The following ADAM32 variants were observed in gnomAD, a reference collection of about 807,000 sequenced individuals.
The protein encoded by ADAM32 is disintegrin and metalloproteinase domain-containing protein 32.
ADAM32 carries 89 observed loss-of-function variants against 114.9 expected under a neutral mutation model. The ratio of observed to expected loss-of-function variants is 0.77; its 90% confidence interval spans 0.65 to 0.92. The LOEUF (loss-of-function observed/expected upper bound fraction) is 0.92, where lower values mean the gene tolerates loss of function less well. Ranked by LOEUF, ADAM32 falls within the 40% of genes least tolerant of loss-of-function variation. ADAM32 has a pLI of 0.00. For synonymous variants in ADAM32, 285 were observed against 307.5 expected, an observed-to-expected ratio of 0.93 and a Z score of 0.77; for missense variants, 870 against 932.8, an observed-to-expected ratio of 0.93 and a Z score of 0.88.
intron 2 of ADAM32, among the ~76,000 whole-genome samples, chr8:39,120,189 C>T (rs892250531): frequency 2.0e-5 from 3 of 152,064 alleles, no homozygotes; most frequent in South Asian, 2.1e-4. Flanking sequence ...CAGAGTAATC[C>T]GATTTTGGTA....
chr8:39,212,253 A>G (rs561767038), intron 12 of ADAM32, among the ~76,000 whole-genome samples: 1 of 152,184 alleles, frequency 6.6e-6, no homozygotes, highest in African/African-American at 2.4e-5. Context: ...ACCTCAAGTA[A>G]TCCACCTGCC....
chr8:39,155,880 A>G (rs553792201), intron 6 of ADAM32, among the ~76,000 whole-genome samples: 1 of 152,210 alleles, frequency 6.6e-6, no homozygotes, highest in East Asian at 1.9e-4. Flanking sequence ...GGATATTACA[A>G]TAACATCTTA....
Position 39,144,953 on chromosome 8 carries a change from T to TA in ADAM32, c.201-2176dup, listed in dbSNP as rs769235277. 3.3e-5 allele frequency among the ~76,000 whole-genome samples: 5 copies of TA among 152,206 alleles called. No homozygotes were observed. In the East Asian group the frequency reaches 7.7e-4, roughly 23 times the overall value. On this transcript the variant is annotated intron_variant, in intron 3 of 24. Coordinates refer to ENST00000379907, the MANE Select transcript of ADAM32 (RefSeq NM_145004.7). ...CTCCACCAAAATTTGTTAGAACCAA[T>TA]AGACAAGTTCAGTGAAGTTGTGGGA...
In ADAM32 at chr8:39,169,998, G is replaced by T; in HGVS notation, c.915+1G>T. 1 of 1,566,552 alleles carries T rather than the reference G, an allele frequency of 6.4e-7. No homozygotes were observed. Among genetic ancestry groups the T allele is most frequent in the South Asian group, 1.2e-5 (1 of 84,722 alleles). On this transcript the variant is annotated splice_donor_variant, in intron 10 of 24. Coordinates refer to ENST00000379907, the MANE Select transcript of ADAM32 (RefSeq NM_145004.7). LOFTEE classifies it high-confidence loss of function. Reference sequence around the variant, plus strand: ...TCGTTATTCTGCAGGAGTTGCATTGGTATGTAACTATTTAATCTTATTTTT... The same window carrying T: ...TCGTTATTCTGCAGGAGTTGCATTGTTATGTAACTATTTAATCTTATTTTT...
intron 11 of ADAM32, among the ~76,000 whole-genome samples, chr8:39,200,083 T>G (rs918671906): frequency 2.0e-5 from 3 of 152,160 alleles, no homozygotes; most frequent in Non-Finnish European, 4.4e-5. Context: ...AATAAACATA[T>G]GTGTGCATGT....
At chr8:39,110,490 G>A (rs1339029699) in intron 1 of ADAM32, among the ~76,000 whole-genome samples, 1 of 152,142 alleles carries the variant, frequency 6.6e-6, no homozygotes, top group African/African-American at 2.4e-5. Context: ...TATGAATAAA[G>A]CTGCTATAAA....
intron 3 of ADAM32, among the ~76,000 whole-genome samples, chr8:39,145,682 G>A (rs1803462703): frequency 6.6e-6 from 1 of 152,044 alleles, no homozygotes; most frequent in African/African-American, 2.4e-5. Flanking sequence ...AAGTACTTGA[G>A]AGTATTTTAT....
At chr8:39,134,070 C>T (rs972587287) in intron 2 of ADAM32, among the ~76,000 whole-genome samples, 6 of 152,112 alleles carry the variant, frequency 3.9e-5, no homozygotes, top group Non-Finnish European at 5.9e-5. Flanking sequence ...GGCTAGAGTG[C>T]TGGGGACCCA....
intron 19 of ADAM32, among the ~76,000 whole-genome samples, chr8:39,266,930 T>G (rs1306978547): frequency 6.6e-6 from 1 of 152,196 alleles, no homozygotes; most frequent in Non-Finnish European, 1.5e-5. Context: ...AGGCTCAAAT[T>G]AGCATTCCTG....
chr8:39,132,195 A>G (rs985100404), intron 2 of ADAM32, among the ~76,000 whole-genome samples: 2 of 152,190 alleles, frequency 1.3e-5, no homozygotes, highest in Admixed American at 1.3e-4. Flanking sequence ...GCCTGGCCCA[A>G]TCGGAGGTTA....
chr8:39,175,257 G>A (rs1353776143), intron 10 of ADAM32, among the ~76,000 whole-genome samples: 1 of 152,140 alleles, frequency 6.6e-6, no homozygotes, highest in Admixed American at 6.5e-5. Context: ...TGCTTGTCTT[G>A]TGCCAGTTTA....
chr8:39,258,442 G>A (rs1251076697), intron 19 of ADAM32, among the ~76,000 whole-genome samples: 4 of 151,602 alleles, frequency 2.6e-5, no homozygotes, highest in Non-Finnish European at 5.9e-5. Flanking sequence ...AATGATAGTC[G>A]ACATTCAGTT....
chr8:39,111,908 T>C (rs34070223), intron 1 of ADAM32, among the ~76,000 whole-genome samples: 38,654 of 152,004 alleles, frequency 0.25, 5,087 homozygotes, highest in South Asian at 0.31. Context: ...TGTATCAGTC[T>C]TTTCCTAAGG....
At chr8:39,256,220 C>G (rs1311918612) in intron 18 of ADAM32, among the ~76,000 whole-genome samples, 1 of 151,840 alleles carries the variant, frequency 6.6e-6, no homozygotes, top group Non-Finnish European at 1.5e-5. Flanking sequence ...ACGCTGAATA[C>G]CTTTTAAAAT....
chr8:39,239,209 A>T (rs936085959), intron 16 of ADAM32, among the ~76,000 whole-genome samples: 1 of 152,220 alleles, frequency 6.6e-6, no homozygotes, highest in East Asian at 1.9e-4. Context: ...CTATCAGATT[A>T]ACAGCAGATT....
At chr8:39,259,869 A>G (rs1811911485) in intron 19 of ADAM32, among the ~76,000 whole-genome samples, 1 of 152,210 alleles carries the variant, frequency 6.6e-6, no homozygotes, top group Non-Finnish European at 1.5e-5. Context: ...GCATTTCCAC[A>G]GCCAGTATAA....
At chr8:39,271,565 G>T (rs529099348) in intron 20 of ADAM32, among the ~76,000 whole-genome samples, 1 of 149,478 alleles carries the variant, frequency 6.7e-6, no homozygotes, top group African/African-American at 2.5e-5. Context: ...CTTAGGATCC[G>T]CATAGAAGTT....
At chr8:39,208,258 CT>C (rs1807977959) in intron 11 of ADAM32, among the ~76,000 whole-genome samples, 1 of 152,058 alleles carries the variant, frequency 6.6e-6, no homozygotes, top group Non-Finnish European at 1.5e-5. Flanking sequence ...ATAATACCCA[CT>C]TTTTGATCAC....
chr8:39,228,267 A>G (rs990850071), intron 14 of ADAM32, among the ~76,000 whole-genome samples: 2 of 152,166 alleles, frequency 1.3e-5, no homozygotes, highest in African/African-American at 4.8e-5. Context: ...TGACAAAACA[A>G]GGCTCTTTAA....
Sources: allele counts gnomAD v4.1 joint callset (sites outside exome capture counted in the v4.1 genomes callset), GRCh38; gene constraint gnomAD v4.1.1; transcripts MANE v1.5; gene names NCBI Gene and HGNC (gene_info 2026-07-23, HGNC 2026-07-21).